The following FNBP4 variants were observed in gnomAD, a reference collection of about 807,000 sequenced individuals.
FNBP4 encodes the protein formin binding protein 4, also known as formin-binding protein 4.
In FNBP4, 34 loss-of-function variants were observed where a neutral mutation model predicts 119.3. The ratio of observed to expected loss-of-function variants is 0.28; its 90% confidence interval spans 0.22 to 0.38. The LOEUF (loss-of-function observed/expected upper bound fraction) is 0.38. Ranked by LOEUF, FNBP4 falls within the 10% of genes least tolerant of loss-of-function variation. The probability of loss-of-function intolerance (pLI) is 1.00; values close to 1 mark genes in which losing one functional copy is unlikely to be tolerated. For missense variants in FNBP4, 1,112 were observed against 1,228.9 expected (o/e 0.90, Z 1.42); for synonymous variants, 462 against 430.6 (o/e 1.07, Z -0.90).
chr11:47,723,354 C>T (rs756453074), intron 14 of FNBP4, 38 bp from the exon 15 acceptor site: 4 of 1,554,510 alleles, frequency 2.6e-6, no homozygotes, highest in Admixed American at 1.9e-5. Flanking sequence ...ATAAAAAGGA[C>T]ATCATGACAA....
In FNBP4 at chr11:47,748,149, G is replaced by C. The variant is rs563719290; in HGVS notation, c.907-1755C>G. Among the ~76,000 whole-genome samples, 6 of 152,096 alleles carry C rather than the reference G, an allele frequency of 3.9e-5. No individual in the cohort carries two copies. The South Asian group carries it at 1.2e-3, about 32-fold the overall frequency. On this transcript the variant is annotated intron_variant, in intron 6 of 16. Coordinates refer to ENST00000263773, the MANE Select transcript of FNBP4 (RefSeq NM_015308.5). ...AGCTACTCGGGAGGCTGAGGCAGGA[G>C]AATCGCTTGAACCCGGGGGGTGGAG...
intron 12 of FNBP4, chr11:47,730,268 A>G (rs1029974503): frequency 5.6e-5 from 55 of 980,580 alleles, no homozygotes; most frequent in Non-Finnish European, 6.4e-5. Context: ...AAAATATTCA[A>G]AAGAAAATCT....
intron 2 of FNBP4, among the ~76,000 whole-genome samples, chr11:47,755,211 AG>A (rs2097614245): frequency 6.6e-6 from 1 of 151,554 alleles, no homozygotes; most frequent in South Asian, 2.1e-4. Flanking sequence ...GCACTTTGGG[AG>A]GCTGAGGCGG....
rs1443448527 is a variant in FNBP4, at chr11:47,728,816, A to AC, written c.2008+2557dup. On this transcript the variant is annotated intron_variant, in intron 12 of 16. Transcript: ENST00000263773. ...AGTGCTGGAATTACAGGCATGAGTC[A>AC]CTGCACCTAAGAACCTTGCTTCTGT... Among the ~76,000 whole-genome samples the AC allele has an allele frequency of 2.7e-5, 4 of 147,620 alleles. No individual in the cohort carries two copies. The East Asian group carries it at 6.0e-4, about 22-fold the overall frequency.
intron 6 of FNBP4, 125 bp from the exon 7 acceptor site, chr11:47,746,519 C>CTTT (rs371706754): frequency 3.3e-5 from 22 of 665,350 alleles, no homozygotes; most frequent in Admixed American, 6.9e-5. Flanking sequence ...GTAAAAACGA[C>CTTT]TTTTTTTTTT....
intron 1 of FNBP4, among the ~76,000 whole-genome samples, chr11:47,765,926 T>C (rs2097646905): frequency 1.5e-5 from 2 of 130,554 alleles, no homozygotes; most frequent in Admixed American, 1.9e-4. Flanking sequence ...CCTCGAGTAA[T>C]CCGCCTACCT....
chr11:47,751,054 T>G lies in FNBP4; in HGVS notation c.786-18A>C. On this transcript the variant is annotated intron_variant, in intron 5 of 16. Transcript: ENST00000263773. ...GCACAGAACTAAAAAAATATATACT[T>G]AGCAAGAGAAATATAAGACAAATAC... 6.2e-7 allele frequency: 1 copy of G among 1,612,590 alleles called. No homozygotes were observed. The highest frequency in any genetic ancestry group is 8.5e-7 in the Non-Finnish European group (1 of 1,179,524).
intron 6 of FNBP4, among the ~76,000 whole-genome samples, chr11:47,750,694 A>C (rs1385773585): frequency 9.9e-5 from 6 of 60,570 alleles, no homozygotes; most frequent in Admixed American, 6.3e-4. Flanking sequence ...GTCTCAAAAA[A>C]AAAAAAAAAA....
At chr11:47,747,730 A>C (rs2097593412) in intron 6 of FNBP4, among the ~76,000 whole-genome samples, 1 of 152,050 alleles carries the variant, frequency 6.6e-6, no homozygotes, top group Non-Finnish European at 1.5e-5. Flanking sequence ...CAGGCGGATC[A>C]CAAGGTCAGG....
In FNBP4 at chr11:47,722,990, CT is replaced by C. The variant is rs1198539046; in HGVS notation, c.2790del (p.Gly931GlufsTer17). 6.5e-7 allele frequency: 1 copy of C among 1,533,812 alleles called. No individual in the cohort carries two copies. Among genetic ancestry groups the C allele is most frequent in the Non-Finnish European group, 8.8e-7 (1 of 1,142,192 alleles). ...PKMPPPEKTK[K>X]GRKDKAKKSK... ...ATTTATTATACCTTGTCTTTCCTTC[CT>C]TTTTTTGTCTTTTCAGGTGGTGGCA... On this transcript the variant is annotated frameshift_variant, in exon 15 of 17. Coordinates refer to ENST00000263773, the MANE Select transcript of FNBP4 (RefSeq NM_015308.5). LOFTEE classifies it high-confidence loss of function.
chr11:47,717,632 A>C lies in FNBP4; in HGVS notation c.2964-120T>G, dbSNP rs1376228240. 13 of 745,488 alleles carry C rather than the reference A, an allele frequency of 1.7e-5. No individual in the cohort carries two copies. The Admixed American group carries it at 3.4e-4, about 20-fold the overall frequency. 46.2% of individuals were successfully genotyped at this position (745,488 alleles called of 1,614,324 possible). Reference sequence around the variant, plus strand: ...CTGATCTATCACGTCTATGTTTATGAAAATCTTTTGTTTCTCAGCCAAACA... The same window carrying C: ...CTGATCTATCACGTCTATGTTTATGCAAATCTTTTGTTTCTCAGCCAAACA... On this transcript the variant is annotated intron_variant, in intron 16 of 16. Coordinates refer to ENST00000263773, the MANE Select transcript of FNBP4 (RefSeq NM_015308.5).
At chr11:47,743,781 A>G (rs1027894121) in intron 8 of FNBP4, 172 bp downstream of exon 8, 10 of 629,552 alleles carry the variant, frequency 1.6e-5, no homozygotes, top group Non-Finnish European at 2.5e-5. Flanking sequence ...CTCCTCTACT[A>G]GAAAAAGATC....
At chr11:47,740,592 T>C (rs1013967554) in intron 8 of FNBP4, among the ~76,000 whole-genome samples, 3 of 139,304 alleles carry the variant, frequency 2.2e-5, no homozygotes, top group African/African-American at 5.0e-5. Context: ...AACATACATA[T>C]GTATTTGTTT....
chr11:47,738,847 A>ATTTTTTTTTTTTTTTTTTTTTTTT (rs71045510), intron 8 of FNBP4, among the ~76,000 whole-genome samples: 1 of 110,954 alleles, frequency 9.0e-6, no homozygotes, highest in Non-Finnish European at 1.9e-5. Context: ...TGCCCAGGTA[A>ATTTTTTTTTTTTTTTTTTTTTTTT]TTTTTTTTTT....
chr11:47,734,989 C>CCAA (rs375037624), intron 9 of FNBP4, among the ~76,000 whole-genome samples: 3 of 119,930 alleles, frequency 2.5e-5, no homozygotes, highest in African/African-American at 3.4e-5. Context: ...CCCCCCCCCC[C>CCAA]AAAAAAAAAG....
chr11:47,760,961 A>G (rs188898876), intron 2 of FNBP4, among the ~76,000 whole-genome samples: 4 of 152,194 alleles, frequency 2.6e-5, no homozygotes, highest in Non-Finnish European at 5.9e-5. Context: ...ATACCAAGAC[A>G]TAACTCCAAA....
chr11:47,748,797 G>T (rs1329100761), intron 6 of FNBP4, among the ~76,000 whole-genome samples: 1 of 151,834 alleles, frequency 6.6e-6, no homozygotes, highest in Non-Finnish European at 1.5e-5. Flanking sequence ...CTACAAGCAT[G>T]TGCCACTACA....
intron 4 of FNBP4, among the ~76,000 whole-genome samples, chr11:47,752,218 G>C (rs1403167472): frequency 2.0e-5 from 3 of 151,780 alleles, no homozygotes; most frequent in African/African-American, 7.3e-5. Flanking sequence ...GAGGTCAGGA[G>C]TTCGAGACCA....
At chr11:47,750,711 A>G (rs867265215) in intron 6 of FNBP4, among the ~76,000 whole-genome samples, 22 of 120,788 alleles carry the variant, frequency 1.8e-4, no homozygotes, top group South Asian at 5.3e-4. Context: ...AAAAAAAAAA[A>G]AAAAAAGAAA....
Sources: gnomAD v4.1 joint callset for allele counts (sites outside exome capture counted in the v4.1 genomes callset) on GRCh38, gnomAD v4.1.1 for gene constraint, MANE v1.5 for transcripts, NCBI Gene and HGNC (gene_info 2026-07-23, HGNC 2026-07-21) for gene names.